Variants in IQCM observed in about 807,000 individuals in gnomAD.
IQCM encodes IQ domain-containing protein M.
IQCM carries 45 observed loss-of-function variants against 57.6 expected under a neutral mutation model. The observed-to-expected ratio is 0.78, with a 90% CI of 0.62 to 1.00. IQCM has a LOEUF of 1.00. IQCM is among the 50% of genes least tolerant of loss of function. The pLI, the probability that IQCM is intolerant of heterozygous loss-of-function variation, is 0.00. For synonymous variants in IQCM, 148 were observed against 158.9 expected (o/e 0.93, Z 0.51); for missense variants, 468 against 511.6 (o/e 0.91, Z 0.82).
At chr4:149,358,672 T>G (rs1273395313) in intron 13 of IQCM, among the ~76,000 whole-genome samples, 1 of 152,078 alleles carries the variant, frequency 6.6e-6, no homozygotes, top group Admixed American at 6.6e-5. Context: ...TTTAACTTCA[T>G]TACTAAGCTG....
chr4:149,797,460 G>A (rs370394367), intron 2 of IQCM, among the ~76,000 whole-genome samples: 9 of 152,034 alleles, frequency 5.9e-5, no homozygotes, highest in African/African-American at 2.2e-4. Context: ...AGAGTTCTTG[G>A]CCTTAAAGAG....
intron 7 of IQCM, among the ~76,000 whole-genome samples, chr4:149,675,375 C>T (rs1421739223): frequency 6.6e-6 from 1 of 151,830 alleles, no homozygotes; most frequent in East Asian, 2.0e-4. Flanking sequence ...ACCACCCCAC[C>T]ACCAGTCTCA....
At chr4:149,790,583 G>T (rs891068485) in intron 2 of IQCM, among the ~76,000 whole-genome samples, 2 of 152,076 alleles carry the variant, frequency 1.3e-5, no homozygotes, top group African/African-American at 4.8e-5. Context: ...GTTTTAAAAC[G>T]ATTAAAGCTG....
intron 9 of IQCM, among the ~76,000 whole-genome samples, chr4:149,573,367 G>C (rs1751343927): frequency 6.6e-6 from 1 of 151,658 alleles, no homozygotes; most frequent in Non-Finnish European, 1.5e-5. Flanking sequence ...TCCTCTTCAA[G>C]ACCTTCCTTC....
chr4:149,589,610 A>T (rs1250359632), intron 8 of IQCM, among the ~76,000 whole-genome samples: 2 of 151,936 alleles, frequency 1.3e-5, no homozygotes, highest in South Asian at 4.1e-4. Context: ...TGTTAATTTC[A>T]TTTCATGGCA....
intron 13 of IQCM, among the ~76,000 whole-genome samples, chr4:149,382,471 A>T (rs1731144363): frequency 6.6e-6 from 1 of 152,108 alleles, no homozygotes; most frequent in African/African-American, 2.4e-5. Context: ...TGGTAAACTG[A>T]TTATAATGAA....
intron 13 of IQCM, among the ~76,000 whole-genome samples, chr4:149,431,076 G>A (rs763608131): frequency 1.3e-5 from 2 of 151,754 alleles, no homozygotes; most frequent in Non-Finnish European, 2.9e-5. Flanking sequence ...GTGGTGGTGG[G>A]CACCTGTAAT....
Position 149,633,029 on chromosome 4 carries a change from C to T in IQCM, c.566-11785G>A, listed in dbSNP as rs570650534. Reference sequence around the variant, plus strand: ...ACAAAAAATTAGCCGGGCGCGGTGGCGGGCGCCTGTAGTCCCAGCTACTCG... The same window carrying T: ...ACAAAAAATTAGCCGGGCGCGGTGGTGGGCGCCTGTAGTCCCAGCTACTCG... On this transcript the variant is annotated intron_variant, in intron 7 of 13. Transcript: ENST00000636793. 6.2e-4 allele frequency among the ~76,000 whole-genome samples: 93 copies of T among 149,314 alleles called. 3 individuals are homozygous for T. Among genetic ancestry groups the T allele is most frequent in the African/African-American group, 2.2e-3 (88 of 39,800 alleles).
At chr4:149,536,054 T>C (rs1354863286) in intron 12 of IQCM, among the ~76,000 whole-genome samples, 1 of 152,068 alleles carries the variant, frequency 6.6e-6, no homozygotes, top group Non-Finnish European at 1.5e-5. Context: ...AAGGTGATGA[T>C]AAGACAAATC....
At chr4:149,516,209 T>A (rs1314540994) in intron 12 of IQCM, among the ~76,000 whole-genome samples, 1 of 152,124 alleles carries the variant, frequency 6.6e-6, no homozygotes, top group African/African-American at 2.4e-5. Context: ...TGGTGGTAGG[T>A]TGATTATATT....
At chr4:149,635,216 C>T (rs1757618511) in intron 7 of IQCM, among the ~76,000 whole-genome samples, 1 of 152,168 alleles carries the variant, frequency 6.6e-6, no homozygotes, top group African/African-American at 2.4e-5. Context: ...TGCAAGGAGG[C>T]ATATCTCAGC....
intron 13 of IQCM, among the ~76,000 whole-genome samples, chr4:149,413,897 G>A (rs1047389149): frequency 6.6e-6 from 1 of 152,056 alleles, no homozygotes; most frequent in African/African-American, 2.4e-5. Context: ...AACATTTCAT[G>A]CATCTGGAGA....
At chr4:149,601,335 C>G (rs1369830190) in intron 8 of IQCM, among the ~76,000 whole-genome samples, 1 of 152,136 alleles carries the variant, frequency 6.6e-6, no homozygotes, top group Non-Finnish European at 1.5e-5. Flanking sequence ...AAATCTATCT[C>G]TGATTGAAAC....
chr4:149,486,833 G>A (rs1208671733), intron 12 of IQCM, among the ~76,000 whole-genome samples: 2 of 152,046 alleles, frequency 1.3e-5, no homozygotes, highest in Non-Finnish European at 2.9e-5. Context: ...TCAGGGCAGT[G>A]GGCTCCCCTT....
chr4:149,597,435 G>A (rs1009005518), intron 8 of IQCM, among the ~76,000 whole-genome samples: 1 of 152,090 alleles, frequency 6.6e-6, no homozygotes, highest in Non-Finnish European at 1.5e-5. Context: ...CTGCTGCCCA[G>A]GCTGGAGTGC....
chr4:149,446,011 T>G (rs1008493800), intron 12 of IQCM, among the ~76,000 whole-genome samples: 3 of 151,732 alleles, frequency 2.0e-5, no homozygotes, highest in African/African-American at 7.2e-5. Context: ...GCATTTTCCC[T>G]CAAAAATCTT....
chr4:149,470,186 T>A (rs1051498225), intron 12 of IQCM, among the ~76,000 whole-genome samples: 4 of 151,990 alleles, frequency 2.6e-5, no homozygotes, highest in Non-Finnish European at 2.9e-5. Context: ...GGCAAATTGG[T>A]TGAAGAGTCA....
intron 12 of IQCM, among the ~76,000 whole-genome samples, chr4:149,470,466 C>T (rs1739395623): frequency 6.6e-6 from 1 of 152,132 alleles, no homozygotes; most frequent in African/African-American, 2.4e-5. Context: ...CACCCAGATT[C>T]ATAAAGCAAG....
chr4:149,656,813 T>A (rs1759678836), intron 7 of IQCM, among the ~76,000 whole-genome samples: 1 of 152,104 alleles, frequency 6.6e-6, no homozygotes, highest in African/African-American at 2.4e-5. Context: ...TTTTTCCAGT[T>A]GTGGAAATGA....
Sources: gnomAD v4.1 joint callset for allele counts (sites outside exome capture counted in the v4.1 genomes callset) on GRCh38, gnomAD v4.1.1 for gene constraint, MANE v1.5 for transcripts, NCBI Gene and HGNC (gene_info 2026-07-23, HGNC 2026-07-21) for gene names.